FBN1: variants seen among roughly 807,000 people sequenced by gnomAD.
The protein encoded by FBN1 is fibrillin 1.
FBN1 carries 29 observed loss-of-function variants against 365.1 expected under a neutral mutation model. That is an observed-to-expected ratio of 0.08 (90% CI 0.06 to 0.11). FBN1 has a LOEUF of 0.11. Ranked by LOEUF, FBN1 falls within the 10% of genes least tolerant of loss-of-function variation. The pLI is 1.00. For missense variants in FBN1, 2,476 were observed against 3,703.2 expected (o/e 0.67, Z 8.60); for synonymous variants, 1,210 against 1,270.5 (o/e 0.95, Z 1.01).
At chr15:48,411,704 TACTG>T (rs2042865346) in intron 65 of FBN1, among the ~76,000 whole-genome samples, 1 of 152,266 alleles carries the variant, frequency 6.6e-6, no homozygotes, top group Admixed American at 6.5e-5. Context: ...ACCCCAGAAC[TACTG>T]AATCAGAAAC....
chr15:48,577,173 C>G (rs2140681288), intron 6 of FBN1, among the ~76,000 whole-genome samples: 1 of 152,228 alleles, frequency 6.6e-6, no homozygotes, highest in South Asian at 2.1e-4. Context: ...AGCCAAGATA[C>G]AGAGATTCCC....
intron 9 of FBN1, among the ~76,000 whole-genome samples, chr15:48,522,116 T>C (rs1340482004): frequency 2.0e-5 from 3 of 152,230 alleles, no homozygotes; most frequent in Non-Finnish European, 2.9e-5. Flanking sequence ...AATGAGAATC[T>C]AATGCCTGAT....
At chr15:48,532,805 G>A (rs2043984696) in intron 8 of FBN1, among the ~76,000 whole-genome samples, 1 of 152,108 alleles carries the variant, frequency 6.6e-6, no homozygotes, top group Non-Finnish European at 1.5e-5. Flanking sequence ...CCTATCAAGA[G>A]TCAACTTTAT....
intron 9 of FBN1, among the ~76,000 whole-genome samples, chr15:48,524,737 T>C (rs2043893533): frequency 6.6e-6 from 1 of 152,142 alleles, no homozygotes; most frequent in Non-Finnish European, 1.5e-5. Context: ...ATTGGGCCAT[T>C]ATTTATCTAA....
At position 48,645,597 on chromosome 15, in the gene FBN1, C is replaced by G. The variant is rs1017522452; in HGVS notation, c.-204G>C. ...CACTGGAGAAGCGGCGGCTCCGACTCCCGAGGAGGCGGCGGCGGCTGCTCC... is the reference window on the plus strand; with the variant it reads ...CACTGGAGAAGCGGCGGCTCCGACTGCCGAGGAGGCGGCGGCGGCTGCTCC... On this transcript the variant is annotated 5_prime_UTR_variant, in exon 1 of 66. Transcript: ENST00000316623. The G allele has an allele frequency of 2.6e-5, 4 of 152,384 alleles. No individual in the cohort carries two copies. The highest frequency in any genetic ancestry group is 9.7e-5 in the African/African-American group (4 of 41,448). 9.4% of individuals were successfully genotyped at this position (152,384 alleles called of 1,614,324 possible).
Position 48,555,049 on chromosome 15 carries a change from T to G in FBN1, c.539-17241A>C, listed in dbSNP as rs566304333. Among the ~76,000 whole-genome samples, 7 of 152,346 alleles carry G rather than the reference T, an allele frequency of 4.6e-5. No homozygotes were observed. The East Asian group carries it at 1.2e-3, about 25-fold the overall frequency. On this transcript the variant is annotated intron_variant, in intron 6 of 65. Transcript: ENST00000316623. ...AGCCATTATTTGTACACTATAGAAA[T>G]GTAAGGGCATGTTAAGATGTTATGC...
At chr15:48,622,666 T>C (rs1889791758) in intron 2 of FBN1, among the ~76,000 whole-genome samples, 1 of 152,184 alleles carries the variant, frequency 6.6e-6, no homozygotes, top group Non-Finnish European at 1.5e-5. Flanking sequence ...CTTCACTCTC[T>C]ATAATGTTAA....
In FBN1 at chr15:48,534,118, G is replaced by T. The variant is rs553266395; in HGVS notation, c.824C>A (p.Ala275Asp). ...TVGSFECKCP[A>D]GHKLNEVSQK... ...TGACACTTCATTAAGTTTGTGTCCA[G>T]CAGGGCATTTGCACTCAAAAGACCC... Residue 275 changes from alanine (A) to aspartate (D), a missense_variant, in exon 8 of 66, where the codon GCT (alanine) becomes GAT (aspartate). Physicochemically the swap from Ala to Asp is moderately radical, Grantham distance 126. Coordinates refer to ENST00000316623, the MANE Select transcript of FBN1 (RefSeq NM_000138.5). The T allele has an allele frequency of 6.2e-7, 1 of 1,613,364 alleles. No individual in the cohort carries two copies. Among genetic ancestry groups the T allele is most frequent in the African/African-American group, 1.3e-5 (1 of 74,764 alleles).
At chr15:48,502,164 G>A (rs1252451274) in intron 17 of FBN1, among the ~76,000 whole-genome samples, 2 of 152,130 alleles carry the variant, frequency 1.3e-5, no homozygotes, top group Non-Finnish European at 2.9e-5. Flanking sequence ...GAGTAGCTGG[G>A]GTTATAGGCG....
chr15:48,487,329 T>C lies in FBN1; in HGVS notation c.3446A>G (p.Asn1149Ser), dbSNP rs147584221. 25 of 1,614,096 alleles carry C rather than the reference T, an allele frequency of 1.5e-5. No homozygotes were observed. Among genetic ancestry groups the C allele is most frequent in the South Asian group, 6.6e-5 (6 of 91,086 alleles). Residue 1149 changes from asparagine to serine, a missense_variant, in exon 28 of 66, where the codon AAC becomes AGC. This residue lies in a region of FBN1 where 1,780 missense variants were observed against 2,840.8 expected (regional missense o/e 0.63). Coordinates refer to ENST00000316623, the MANE Select transcript of FBN1 (RefSeq NM_000138.5). ...ECPPGHQLSP[N>S]ISACIDINEC... is the part of the protein sequence containing the mutation. Reference sequence around the variant, plus strand: ...CTCCTTACCGATACACGCGGAGATGTTGGGGGACAGCTGATGGCCAGGCGG... The same window carrying C: ...CTCCTTACCGATACACGCGGAGATGCTGGGGGACAGCTGATGGCCAGGCGG...
At chr15:48,496,313 A>T in intron 19 of FBN1, 88 bp from the exon 20 acceptor site, 1 of 1,545,552 alleles carries the variant, frequency 6.5e-7, no homozygotes, top group Non-Finnish European at 8.9e-7. Context: ...CTTTAAAGTC[A>T]TAACGACGTG....
chr15:48,502,392 T>C (rs868438663), intron 17 of FBN1, among the ~76,000 whole-genome samples: 1 of 152,200 alleles, frequency 6.6e-6, no homozygotes, highest in African/African-American at 2.4e-5. Context: ...TAACTTTTCA[T>C]AGTGTATTTT....
intron 57 of FBN1, 110 bp downstream of exon 57, chr15:48,428,236 A>T: frequency 7.2e-7 from 1 of 1,393,212 alleles, no homozygotes; most frequent in Non-Finnish European, 1.0e-6. Context: ...AACATTTTTT[A>T]TCCTTCCTCA....
intron 42 of FBN1, among the ~76,000 whole-genome samples, chr15:48,462,561 G>C (rs890910711): frequency 5.0e-5 from 2 of 39,692 alleles, no homozygotes; most frequent in Non-Finnish European, 9.4e-5. Flanking sequence ...CTTATTTCAG[G>C]CAAGTGTGTA....
chr15:48,599,078 A>C (rs2140716366), intron 5 of FBN1, among the ~76,000 whole-genome samples: 1 of 152,144 alleles, frequency 6.6e-6, no homozygotes, highest in South Asian at 2.1e-4. Flanking sequence ...AGTCCAATAA[A>C]CCTCTTTCTT....
chr15:48,492,683 TG>T (rs1216940796), intron 23 of FBN1, 97 bp from the exon 24 acceptor site: 10 of 1,054,414 alleles, frequency 9.5e-6, no homozygotes, highest in Middle Eastern at 3.0e-4. Context: ...ATTTTGAACC[TG>T]GTAAGTTCAT....
chr15:48,613,100 A>G lies in FBN1; in HGVS notation c.165-8T>C, dbSNP rs750029122. On this transcript the variant is annotated splice_polypyrimidine_tract_variant and splice_region_variant and intron_variant, in intron 2 of 65. Coordinates refer to ENST00000316623, the MANE Select transcript of FBN1 (RefSeq NM_000138.5). ...GATCCACAGACATTGGGTCTAAAAC[A>G]AAAACAGAAGAATTCCATACTTTAA... 7.5e-6 allele frequency: 12 copies of G among 1,602,862 alleles called. No individual in the cohort carries two copies. In the South Asian group the frequency reaches 1.3e-4, roughly 18 times the overall value.
At chr15:48,437,422 T>G (rs561714171) in intron 51 of FBN1, 35 bp from the exon 52 acceptor site, 13 of 1,515,770 alleles carry the variant, frequency 8.6e-6, no homozygotes, top group African/African-American at 1.4e-5. Flanking sequence ...GATAGAACAA[T>G]AGCAATTCAT....
rs756410019 is a variant in FBN1 at position 48,495,515 on chromosome 15, T to C, written c.2493A>G (p.Glu831=). The part of the protein sequence containing the change: ...CKNSPGSFIC[E]CSSESTLDPT... ...GATCCAAAGTACTTTCAGAAGAACA[T>C]TCACAAATAAAAGAGCCTGGGCTGT... is the stretch of plus-strand genomic sequence containing the variant. The change falls in exon 21 of 66, where the codon GAA becomes GAG. Residue 831 remains glutamate (E), a synonymous_variant. Transcript: ENST00000316623. The C allele has an allele frequency of 6.2e-7, 1 of 1,614,040 alleles. No homozygotes were observed.
Sources: gnomAD v4.1 joint callset for allele counts (sites outside exome capture counted in the v4.1 genomes callset) on GRCh38, gnomAD v4.1.1 for gene constraint, gnomAD v4.1.1 regional missense constraint, MANE v1.5 for transcripts, NCBI Gene and HGNC (gene_info 2026-07-23, HGNC 2026-07-21) for gene names.